RALYL: variants seen among roughly 807,000 people sequenced by gnomAD.
RALYL encodes the protein RNA-binding Raly-like protein.
A neutral mutation model predicts 35.1 loss-of-function variants in RALYL; 29 were observed. That is an observed-to-expected ratio of 0.83 (90% CI 0.61 to 1.13). The LOEUF (loss-of-function observed/expected upper bound fraction) is 1.13. Among genes scored for constraint, RALYL ranks in the 50% most tolerant of loss-of-function variants. The probability of loss-of-function intolerance (pLI) is 0.00; values close to 1 mark genes in which losing one functional copy is unlikely to be tolerated. For missense variants in RALYL, 359 were observed against 360.4 expected, an observed-to-expected ratio of 1.00 and a Z score of 0.03; for synonymous variants, 120 against 127.6, an observed-to-expected ratio of 0.94 and a Z score of 0.40.
At chr8:84,725,335 T>C (rs1467990476) in intron 2 of RALYL, among the ~76,000 whole-genome samples, 1 of 151,764 alleles carries the variant, frequency 6.6e-6, no homozygotes, top group Non-Finnish European at 1.5e-5. Context: ...TCCATTACTA[T>C]AGAAATTTGA....
intron 2 of RALYL, among the ~76,000 whole-genome samples, chr8:84,539,828 GTATACATATATATATATATATATATGTA>G (rs201054206): frequency 4.2e-3 from 20 of 4,760 alleles, no homozygotes; most frequent in Admixed American, 0.028. Flanking sequence ...AAGTGATCAA[GTATACATATATATATATATATATATGTA>G]TATATATATA....
At chr8:84,329,266 C>G (rs546617608) in intron 1 of RALYL, among the ~76,000 whole-genome samples, 20 of 152,218 alleles carry the variant, frequency 1.3e-4, no homozygotes, top group African/African-American at 4.8e-4. Flanking sequence ...TCGCCAGCAT[C>G]TGTTGTTTTT....
At chr8:84,766,205 C>T (rs1049550168) in intron 2 of RALYL, among the ~76,000 whole-genome samples, 8 of 152,086 alleles carry the variant, frequency 5.3e-5, no homozygotes, top group Admixed American at 5.2e-4. Context: ...CCTAGAGGAG[C>T]TCTGATTTGC....
chr8:84,489,419 G>A (rs890650435), intron 1 of RALYL, among the ~76,000 whole-genome samples: 2 of 151,970 alleles, frequency 1.3e-5, no homozygotes, highest in East Asian at 1.9e-4. Context: ...TTTGAATACC[G>A]TATATGAAAT....
rs1442623192 is a variant in RALYL, at chr8:84,568,869, A to G, written c.256+39292A>G. ...GTCTTCTTTTGAGAAGTGTCTGTTC[A>G]TATCCTTTGCCCACTTGTTGATGGG... On this transcript the variant is annotated intron_variant, in intron 2 of 8. Coordinates refer to ENST00000521268, the MANE Select transcript of RALYL (RefSeq NM_173848.7). Among the ~76,000 whole-genome samples the G allele has an allele frequency of 5.3e-5, 8 of 151,838 alleles. No individual in the cohort carries two copies. The South Asian group carries it at 1.7e-3, about 32-fold the overall frequency.
intron 1 of RALYL, among the ~76,000 whole-genome samples, chr8:84,485,511 G>A (rs2054518345): frequency 6.6e-6 from 1 of 152,098 alleles, no homozygotes; most frequent in Non-Finnish European, 1.5e-5. Context: ...ACCAAGGGAG[G>A]CAGAGGTTGC....
intron 2 of RALYL, among the ~76,000 whole-genome samples, chr8:84,635,289 T>G (rs1251417582): frequency 1.3e-5 from 2 of 151,798 alleles, no homozygotes; most frequent in African/African-American, 4.8e-5. Context: ...AATTATCTTC[T>G]GCTTTACATC....
chr8:84,497,630 G>GTTTTTTTTTTTTTTTTTTTTTT (rs1181968193), intron 1 of RALYL, among the ~76,000 whole-genome samples: 3 of 119,124 alleles, frequency 2.5e-5, no homozygotes, highest in African/African-American at 9.6e-5. Flanking sequence ...TTTTTTTGTT[G>GTTTTTTTTTTTTTTTTTTTTTT]TTTTTGTTTT....
chr8:84,656,813 GC>G (rs1183421349), intron 2 of RALYL, among the ~76,000 whole-genome samples: 6 of 151,930 alleles, frequency 3.9e-5, no homozygotes, highest in Non-Finnish European at 8.8e-5. Flanking sequence ...GGTTTAAGAA[GC>G]CATATGAGAT....
At chr8:84,602,739 G>T (rs748318864) in intron 2 of RALYL, among the ~76,000 whole-genome samples, 2 of 152,226 alleles carry the variant, frequency 1.3e-5, no homozygotes, top group South Asian at 2.1e-4. Context: ...TGGAAACCAG[G>T]CTAACTAACT....
At chr8:84,315,015 T>C (rs1239989962) in intron 1 of RALYL, among the ~76,000 whole-genome samples, 1 of 152,224 alleles carries the variant, frequency 6.6e-6, no homozygotes, top group Non-Finnish European at 1.5e-5. Context: ...GTTTGACAAC[T>C]GTTATTGAAA....
intron 2 of RALYL, among the ~76,000 whole-genome samples, chr8:84,654,507 G>A (rs963842725): frequency 6.6e-6 from 1 of 151,494 alleles, no homozygotes; most frequent in Non-Finnish European, 1.5e-5. Context: ...TCATCCTGTT[G>A]TGTTACCAAA....
intron 3 of RALYL, among the ~76,000 whole-genome samples, chr8:84,786,207 T>C (rs1819416392): frequency 6.6e-6 from 1 of 152,252 alleles, no homozygotes; most frequent in South Asian, 2.1e-4. Context: ...GTATACCACA[T>C]TTCTTTTATC....
intron 2 of RALYL, among the ~76,000 whole-genome samples, chr8:84,635,353 AAG>A (rs1362783089): frequency 1.6e-5 from 2 of 124,938 alleles, no homozygotes; most frequent in Non-Finnish European, 4.0e-5. Context: ...TCTTCTATAG[AAG>A]AACTATTTCC....
At chr8:84,245,029 A>G (rs1828775945) in intron 1 of RALYL, among the ~76,000 whole-genome samples, 1 of 152,210 alleles carries the variant, frequency 6.6e-6, no homozygotes, top group African/African-American at 2.4e-5. Flanking sequence ...GGAGTGACTC[A>G]GGTGGATACT....
At chr8:84,383,640 G>A (rs1330912058) in intron 1 of RALYL, among the ~76,000 whole-genome samples, 1 of 151,536 alleles carries the variant, frequency 6.6e-6, no homozygotes, top group African/African-American at 2.4e-5. Context: ...GATGTGTTGA[G>A]GGAGGTTGAA....
At chr8:84,394,015 C>A (rs571101008) in intron 1 of RALYL, among the ~76,000 whole-genome samples, 1 of 152,172 alleles carries the variant, frequency 6.6e-6, no homozygotes, top group South Asian at 2.1e-4. Flanking sequence ...ATCACCATAT[C>A]CACTTTAAAA....
At chr8:84,653,196 C>T (rs1829214024) in intron 2 of RALYL, among the ~76,000 whole-genome samples, 1 of 152,078 alleles carries the variant, frequency 6.6e-6, no homozygotes, top group Admixed American at 6.6e-5. Context: ...AATAAAACTA[C>T]TCTTCTTCAG....
At chr8:84,443,338 G>A (rs926691089) in intron 1 of RALYL, among the ~76,000 whole-genome samples, 3 of 152,198 alleles carry the variant, frequency 2.0e-5, no homozygotes, top group African/African-American at 4.8e-5. Context: ...CCCTAGTTAC[G>A]TAAAAAACTC....
Sources: allele counts gnomAD v4.1 joint callset (sites outside exome capture counted in the v4.1 genomes callset), GRCh38; gene constraint gnomAD v4.1.1; transcripts MANE v1.5; gene names NCBI Gene and HGNC (gene_info 2026-07-23, HGNC 2026-07-21).